The following GAB1 variants were observed in gnomAD, a reference collection of about 807,000 sequenced individuals.
GAB1 encodes the protein GRB2 associated binding protein 1, also known as GRB2-associated-binding protein 1.
A neutral mutation model predicts 66.5 loss-of-function variants in GAB1; 19 were observed. The observed-to-expected ratio is 0.29, with a 90% CI of 0.20 to 0.42. The LOEUF is 0.42. Among genes scored for constraint, GAB1 ranks in the 10% least tolerant of loss-of-function variants. GAB1 has a pLI of 1.00. For synonymous variants in GAB1, 294 were observed against 301.4 expected (o/e 0.98, Z 0.25); for missense variants, 732 against 858.5 (o/e 0.85, Z 1.84).
intron 1 of GAB1, among the ~76,000 whole-genome samples, chr4:143,347,394 T>C (rs1487771171): frequency 6.6e-6 from 1 of 152,238 alleles, no homozygotes; most frequent in Non-Finnish European, 1.5e-5. Flanking sequence ...ATATTGAAAC[T>C]TTTTTCTAAT....
intron 1 of GAB1, among the ~76,000 whole-genome samples, chr4:143,413,315 A>G (rs1732494475): frequency 6.6e-6 from 1 of 152,224 alleles, no homozygotes; most frequent in South Asian, 2.1e-4. Context: ...TGCAGTAAGT[A>G]GATGCATATT....
intron 9 of GAB1, among the ~76,000 whole-genome samples, chr4:143,467,259 G>A (rs1156911253): frequency 6.6e-6 from 1 of 152,134 alleles, no homozygotes; most frequent in African/African-American, 2.4e-5. Context: ...CAGTCTAATT[G>A]TAATTCCCTT....
At chr4:143,427,117 A>G (rs1401158043) in intron 2 of GAB1, among the ~76,000 whole-genome samples, 1 of 152,186 alleles carries the variant, frequency 6.6e-6, no homozygotes, top group Non-Finnish European at 1.5e-5. Context: ...GGTCCTCCTA[A>G]TAGGCTCCCC....
intron 1 of GAB1, among the ~76,000 whole-genome samples, chr4:143,377,227 G>A (rs115039934): frequency 1.8e-3 from 267 of 152,090 alleles, no homozygotes; most frequent in African/African-American, 6.3e-3. Flanking sequence ...ACTATAAAAA[G>A]CATCAGAAGA....
chr4:143,367,718 G>GGT (rs199879990), intron 1 of GAB1, among the ~76,000 whole-genome samples: 78 of 101,570 alleles, frequency 7.7e-4, no homozygotes, highest in African/African-American at 3.4e-3. Flanking sequence ...ATCAGATGAG[G>GGT]GTTTTTTTTT....
intron 2 of GAB1, among the ~76,000 whole-genome samples, chr4:143,423,818 A>G (rs1169628718): frequency 5.5e-5 from 6 of 109,256 alleles, no homozygotes; most frequent in Admixed American, 5.3e-4. Flanking sequence ...ATATATATAT[A>G]TATATATATA....
At chr4:143,456,229 G>A (rs1337143813) in intron 6 of GAB1, among the ~76,000 whole-genome samples, 5 of 152,096 alleles carry the variant, frequency 3.3e-5, no homozygotes, top group African/African-American at 7.2e-5. Flanking sequence ...AGGCCAAGGC[G>A]GGTGGATCAC....
At chr4:143,362,442 G>A (rs1729701247) in intron 1 of GAB1, among the ~76,000 whole-genome samples, 2 of 152,144 alleles carry the variant, frequency 1.3e-5, no homozygotes, top group Admixed American at 6.5e-5. Context: ...ACTCCATAGA[G>A]CAGCCCGAGG....
At chr4:143,403,187 C>CT (rs1731863390) in intron 1 of GAB1, among the ~76,000 whole-genome samples, 2 of 151,376 alleles carry the variant, frequency 1.3e-5, no homozygotes, top group Non-Finnish European at 2.9e-5. Flanking sequence ...AACAATTTTG[C>CT]TTGGAGCTCA....
At chr4:143,451,335 G>C (rs1193310236) in intron 6 of GAB1, among the ~76,000 whole-genome samples, 1 of 152,024 alleles carries the variant, frequency 6.6e-6, no homozygotes, top group African/African-American at 2.4e-5. Flanking sequence ...AGGTGGGCGG[G>C]CAAAAAGGAG....
chr4:143,463,268 G>A (rs1357810279), intron 8 of GAB1, among the ~76,000 whole-genome samples: 3 of 151,994 alleles, frequency 2.0e-5, no homozygotes, highest in Non-Finnish European at 2.9e-5. Context: ...CATACATACT[G>A]TTATGTGATA....
intron 1 of GAB1, among the ~76,000 whole-genome samples, chr4:143,358,548 CTG>C (rs1047826507): frequency 3.9e-5 from 6 of 152,176 alleles, no homozygotes; most frequent in Non-Finnish European, 8.8e-5. Flanking sequence ...AATATAAAAT[CTG>C]TTTTTCAAAC....
At chr4:143,372,449 T>C (rs1255202615) in intron 1 of GAB1, among the ~76,000 whole-genome samples, 1 of 152,176 alleles carries the variant, frequency 6.6e-6, no homozygotes, top group African/African-American at 2.4e-5. Context: ...AAACTTACAT[T>C]GTAGTAGGTA....
At chr4:143,414,126 GA>G (rs1732553868) in intron 1 of GAB1, among the ~76,000 whole-genome samples, 1 of 152,030 alleles carries the variant, frequency 6.6e-6, no homozygotes, top group Non-Finnish European at 1.5e-5. Context: ...CCCAGGCCCA[GA>G]GTGTCCTCTT....
chr4:143,460,006 G>A (rs1735399940), intron 7 of GAB1, among the ~76,000 whole-genome samples: 1 of 151,332 alleles, frequency 6.6e-6, no homozygotes, highest in Admixed American at 6.6e-5. Context: ...AACCTATGTT[G>A]AACATATGTT....
chr4:143,416,211 C>A (rs1732675538), intron 2 of GAB1, among the ~76,000 whole-genome samples: 1 of 152,088 alleles, frequency 6.6e-6, no homozygotes, highest in South Asian at 2.1e-4. Flanking sequence ...CAAGACCATC[C>A]TGGCTAACAC....
chr4:143,459,398 T>C lies in GAB1; in HGVS notation c.1599T>C (p.Pro533=), dbSNP rs369240289. Residue 533 remains proline (P), a synonymous_variant, in exon 7 of 10, where the codon CCT becomes CCC. Coordinates refer to ENST00000262994, the MANE Select transcript of GAB1 (RefSeq NM_002039.4). ...TTTTCTTTTCAGTCAAGCCAGCGCC[T>C]TTAGAAATAAAACCTTTGCCAGAAT... The part of the protein sequence containing the change: ...LKPDRKVKPA[P]LEIKPLPEWE... The C allele has an allele frequency of 6.2e-7, 1 of 1,605,796 alleles. No individual in the cohort carries two copies. Among genetic ancestry groups the C allele is most frequent in the Non-Finnish European group, 8.5e-7 (1 of 1,172,582 alleles).
At chr4:143,443,207 G>A (rs1242939511) in intron 6 of GAB1, among the ~76,000 whole-genome samples, 1 of 151,742 alleles carries the variant, frequency 6.6e-6, no homozygotes, top group Non-Finnish European at 1.5e-5. Context: ...TAGTAGAGAC[G>A]GGGTTTCACC....
chr4:143,364,174 G>C (rs1385206304), intron 1 of GAB1, among the ~76,000 whole-genome samples: 7 of 150,270 alleles, frequency 4.7e-5, no homozygotes, highest in African/African-American at 1.7e-4. Flanking sequence ...GGCTACAAGA[G>C]GGAAACTTCG....
Sources: allele counts gnomAD v4.1 joint callset (sites outside exome capture counted in the v4.1 genomes callset), GRCh38; gene constraint gnomAD v4.1.1; transcripts MANE v1.5; gene names NCBI Gene and HGNC (gene_info 2026-07-23, HGNC 2026-07-21).